OR14A16: variants seen among roughly 807,000 people sequenced by gnomAD.
OR14A16 encodes olfactory receptor family 14 subfamily A member 16.
For synonymous variants in OR14A16, 135 were observed against 137.6 expected, an observed-to-expected ratio of 0.98 and a Z score of 0.13; for missense variants, 341 against 366.5, an observed-to-expected ratio of 0.93 and a Z score of 0.57.
intron 1 of OR14A16, among the ~76,000 whole-genome samples, chr1:247,822,352 T>G (rs1423765908): frequency 6.7e-6 from 1 of 149,812 alleles, no homozygotes; most frequent in Non-Finnish European, 1.5e-5. Context: ...AAACTAACAG[T>G]AGGCAGAAGG....
In OR14A16 at chr1:247,815,099, C is replaced by G. The variant is rs1414041962; in HGVS notation, c.631G>C (p.Val211Leu). The G allele has an allele frequency of 3.7e-6, 6 of 1,613,702 alleles. No individual in the cohort carries two copies. The highest frequency in any genetic ancestry group is 5.1e-6 in the Non-Finnish European group (6 of 1,179,832). Residue 211 changes from valine to leucine, a missense_variant, in exon 3 of 3, where the codon GTC becomes CTC. By Grantham distance (32) the Val-to-Leu change is conservative (BLOSUM62 1). Transcript: ENST00000641093. Reference protein sequence around the residue: ...NVVLDFCCFIVIIITYVHVFS... With the variant: ...NVVLDFCCFILIIITYVHVFS... ...ACGTGGACATAGGTAATGATGATGACAATAAAACAGCAGAAATCCAAAACT... is the reference window on the plus strand; with the variant it reads ...ACGTGGACATAGGTAATGATGATGAGAATAAAACAGCAGAAATCCAAAACT...
chr1:247,822,640 C>A (rs1397999755), intron 1 of OR14A16, among the ~76,000 whole-genome samples: 3 of 152,142 alleles, frequency 2.0e-5, no homozygotes, highest in Non-Finnish European at 4.4e-5. Flanking sequence ...TGAGCCAATT[C>A]CCCTGAATAA....
intron 2 of OR14A16, among the ~76,000 whole-genome samples, chr1:247,817,623 A>G (rs1662650831): frequency 6.6e-6 from 1 of 152,320 alleles, no homozygotes; most frequent in South Asian, 2.1e-4. Context: ...AGTGGTATTG[A>G]TGATTCTGTC....
chr1:247,817,089 CAT>C (rs1204930161), intron 2 of OR14A16, among the ~76,000 whole-genome samples: 2 of 152,270 alleles, frequency 1.3e-5, no homozygotes, highest in East Asian at 1.9e-4. Context: ...ATTGCAGTGA[CAT>C]GTGGGGGCTT....
intron 1 of OR14A16, among the ~76,000 whole-genome samples, chr1:247,822,324 G>T (rs1056215088): frequency 0.013 from 93 of 7,050 alleles, 4 homozygotes; most frequent in Admixed American, 0.027. Context: ...CGGGGGGGGA[G>T]GGTGGGGATG....
chr1:247,815,091 G>C lies in OR14A16; in HGVS notation c.639C>G (p.Ile213Met), dbSNP rs762975853. ...TAGAGAAGACGTGGACATAGGTAAT[G>C]ATGATGACAATAAAACAGCAGAAAT... ...VLDFCCFIVIIITYVHVFSTV... is the reference protein window; with the variant it reads ...VLDFCCFIVIMITYVHVFSTV... The change falls in exon 3 of 3, where the codon ATC becomes ATG. Residue 213 changes from isoleucine to methionine, a missense_variant. By Grantham distance (10) the Ile-to-Met change is conservative (BLOSUM62 1). Transcript: ENST00000641093. 1.2e-6 allele frequency: 2 copies of C among 1,613,882 alleles called. No homozygotes were observed. The highest frequency in any genetic ancestry group is 8.5e-7 in the Non-Finnish European group (1 of 1,179,758).
intron 2 of OR14A16, among the ~76,000 whole-genome samples, chr1:247,816,138 C>A (rs1662617996): frequency 6.6e-6 from 1 of 152,216 alleles, no homozygotes; most frequent in African/African-American, 2.4e-5. Flanking sequence ...CATAGTCTTG[C>A]TCTTCCTACA....
Position 247,815,020 on chromosome 1 carries a change from G to A in OR14A16, c.710C>T (p.Ser237Phe). ...PSTEGQSKAY[S>F]ICLPHLLVVL... is the part of the protein sequence containing the mutation. ...AACCAGCAAGTGTGGAAGGCAAATA[G>A]AGTAGGCTTTTGACTGGCCTTCTGT... The change falls in exon 3 of 3, where the codon TCT becomes TTT. Residue 237 changes from serine to phenylalanine, a missense_variant. Coordinates refer to ENST00000641093, the MANE Select transcript of OR14A16 (RefSeq NM_001001966.2). The A allele has an allele frequency of 6.2e-7, 1 of 1,613,530 alleles. No homozygotes were observed. The highest frequency in any genetic ancestry group is 8.5e-7 in the Non-Finnish European group (1 of 1,179,472).
intron 2 of OR14A16, among the ~76,000 whole-genome samples, chr1:247,818,062 T>C (rs1219866243): frequency 1.3e-5 from 2 of 152,180 alleles, no homozygotes; most frequent in African/African-American, 4.8e-5. Flanking sequence ...GTTTTATTAG[T>C]TTCTATTATT....
chr1:247,816,924 A>G (rs963842613), intron 2 of OR14A16, among the ~76,000 whole-genome samples: 5 of 152,082 alleles, frequency 3.3e-5, no homozygotes, highest in African/African-American at 1.2e-4. Context: ...GCATATCACA[A>G]TCTTAATGTT....
At chr1:247,822,911 C>T (rs1450042306) in intron 1 of OR14A16, among the ~76,000 whole-genome samples, 1 of 152,136 alleles carries the variant, frequency 6.6e-6, no homozygotes, top group African/African-American at 2.4e-5. Context: ...AATTCAGTTT[C>T]CCCAGAAGGG....
rs1304040891 is a variant in OR14A16, at chr1:247,819,128, T to C, written c.-81A>G. On this transcript the variant is annotated 5_prime_UTR_variant, in exon 2 of 3. Coordinates refer to ENST00000641093, the MANE Select transcript of OR14A16 (RefSeq NM_001001966.2). ...TCTGAGGCTTGTTTTCAATGCTTCT[T>C]TATTCATTTATAGAGTGCTTACTAA... 6.6e-6 allele frequency: 1 copy of C among 152,178 alleles called. No homozygotes were observed. The highest frequency in any genetic ancestry group is 6.6e-5 in the Admixed American group (1 of 15,264). The allele number at this position is 152,178 out of a possible 1,614,324, so 9.4% of individuals were successfully genotyped here. A position where few individuals can be genotyped will look rare whatever the true frequency, so the allele number is the denominator to read the frequency against.
At chr1:247,823,911 C>T (rs2103288900) in intron 1 of OR14A16, 42 bp downstream of exon 1, 1 of 152,050 alleles carries the variant, frequency 6.6e-6, no homozygotes, top group East Asian at 1.9e-4. Context: ...ATCAGTATAT[C>T]ATCCAGATAA....
rs913339326 is a variant in OR14A16, at chr1:247,823,943, C to A, written c.-131+10G>T. On this transcript the variant is annotated intron_variant, in intron 1 of 2. Coordinates refer to ENST00000641093, the MANE Select transcript of OR14A16 (RefSeq NM_001001966.2). ...ATAAGCTGTAAAATTTAATACCGTT[C>A]CAACAATACCTTTACAATTGAAGTG... 1.4e-4 allele frequency: 22 copies of A among 152,058 alleles called. No homozygotes were observed. The highest frequency in any genetic ancestry group is 5.1e-4 in the African/African-American group (21 of 41,384). 9.4% of individuals were successfully genotyped at this position (152,058 alleles called of 1,614,324 possible). A position where few individuals can be genotyped will look rare whatever the true frequency, so the allele number is the denominator to read the frequency against.
intron 2 of OR14A16, among the ~76,000 whole-genome samples, chr1:247,817,525 CAT>C (rs1662646315): frequency 2.6e-5 from 4 of 152,098 alleles, no homozygotes; most frequent in Non-Finnish European, 5.9e-5. Context: ...AGTAAAAAAG[CAT>C]ATGATTACTA....
At chr1:247,818,389 T>C (rs1662666159) in intron 2 of OR14A16, among the ~76,000 whole-genome samples, 1 of 152,256 alleles carries the variant, frequency 6.6e-6, no homozygotes, top group African/African-American at 2.4e-5. Flanking sequence ...TTGCTAGGTA[T>C]ATAACTGAAT....
chr1:247,816,882 A>G (rs955289470), intron 2 of OR14A16, among the ~76,000 whole-genome samples: 1 of 151,778 alleles, frequency 6.6e-6, no homozygotes, highest in African/African-American at 2.4e-5. Flanking sequence ...CTTTCATCAT[A>G]GCCAAGTTGT....
In OR14A16 at chr1:247,815,034, C is replaced by T; in HGVS notation, c.696G>A (p.Gln232=). The change falls in exon 3 of 3, where the codon CAG becomes CAA. Residue 232 remains glutamine, a synonymous_variant. Transcript: ENST00000641093. The stretch of plus-strand genomic sequence containing the variant: ...GAAGGCAAATAGAGTAGGCTTTTGA[C>T]TGGCCTTCTGTGGAAGGGATCTTCT... The part of the protein sequence containing the change: ...TVKKIPSTEG[Q]SKAYSICLPH... 6.2e-7 allele frequency: 1 copy of T among 1,613,710 alleles called. No individual in the cohort carries two copies. Among genetic ancestry groups the T allele is most frequent in the Non-Finnish European group, 8.5e-7 (1 of 1,179,674 alleles).
At chr1:247,816,619 T>C (rs866297666) in intron 2 of OR14A16, among the ~76,000 whole-genome samples, 9 of 152,052 alleles carry the variant, frequency 5.9e-5, no homozygotes, top group Non-Finnish European at 1.3e-4. Context: ...TCCCTGCTAC[T>C]TGGGAGGCTG....
Sources: allele counts gnomAD v4.1 joint callset (sites outside exome capture counted in the v4.1 genomes callset), GRCh38; gene constraint gnomAD v4.1.1; transcripts MANE v1.5; gene names NCBI Gene and HGNC (gene_info 2026-07-23, HGNC 2026-07-21).